Variants in CCDC178 observed in about 807,000 individuals in gnomAD.
The protein encoded by CCDC178 is coiled-coil domain containing 178, also known as coiled-coil domain-containing protein 178.
Under a neutral mutation model 117.4 loss-of-function variants are expected in CCDC178, and 126 were observed. The ratio of observed to expected loss-of-function variants is 1.07; its 90% CI spans 0.93 to 1.24. CCDC178 has a LOEUF of 1.24. Ranked by LOEUF, CCDC178 falls within the 50% of genes most tolerant of loss-of-function variation. The probability of loss-of-function intolerance (pLI) is 0.00; values close to 1 mark genes in which losing one functional copy is unlikely to be tolerated. For synonymous variants in CCDC178, 283 were observed against 313.4 expected, an observed-to-expected ratio of 0.90 and a Z score of 1.02; for missense variants, 1,030 against 986.9, an observed-to-expected ratio of 1.04 and a Z score of -0.59.
intron 19 of CCDC178, among the ~76,000 whole-genome samples, chr18:33,214,726 T>C (rs940038035): frequency 1.3e-5 from 2 of 152,022 alleles, no homozygotes; most frequent in African/African-American, 4.8e-5. Context: ...AAAATAAGTT[T>C]TACTCTATGA....
At chr18:33,353,051 C>T (rs2062998680) in intron 7 of CCDC178, among the ~76,000 whole-genome samples, 1 of 151,726 alleles carries the variant, frequency 6.6e-6, no homozygotes, top group African/African-American at 2.4e-5. Flanking sequence ...TTATTCCCTT[C>T]AATTCTGTTA....
chr18:33,273,826 T>C (rs1046038244), intron 12 of CCDC178, among the ~76,000 whole-genome samples: 2 of 151,722 alleles, frequency 1.3e-5, no homozygotes, highest in Non-Finnish European at 3.0e-5. Flanking sequence ...TCCTCAGATA[T>C]GATACTTAAA....
chr18:33,274,908 G>A lies in CCDC178; in HGVS notation c.1177-7611C>T, dbSNP rs1400686510. On this transcript the variant is annotated intron_variant, in intron 12 of 22. Transcript: ENST00000383096. ...TAATTCTTGCAATCTGCAACTTTTG[G>A]ATAAGTACGATTACTTTAGCCCTGG... Among the ~76,000 whole-genome samples, 4 of 152,080 alleles carry A rather than the reference G, an allele frequency of 2.6e-5. No individual in the cohort carries two copies. The East Asian group carries it at 7.7e-4, about 29-fold the overall frequency.
intron 21 of CCDC178, among the ~76,000 whole-genome samples, chr18:33,025,877 C>T (rs185028458): frequency 7.9e-5 from 12 of 152,218 alleles, no homozygotes; most frequent in Non-Finnish European, 1.5e-5. Context: ...CTCAGGCATT[C>T]GTCCCAGAGA....
intron 20 of CCDC178, among the ~76,000 whole-genome samples, chr18:33,180,823 G>A (rs1474244207): frequency 6.6e-6 from 1 of 152,052 alleles, no homozygotes; most frequent in Non-Finnish European, 1.5e-5. Context: ...CTTAAATTGT[G>A]AAAGTATGGG....
intron 21 of CCDC178, among the ~76,000 whole-genome samples, chr18:32,988,079 A>AAATAATAATAAT (rs145642185): frequency 1.9e-4 from 27 of 141,234 alleles, no homozygotes; most frequent in Non-Finnish European, 2.1e-4. Flanking sequence ...ATCCGTCTCA[A>AAATAATAATAAT]AATAATAATA....
chr18:33,228,641 G>T (rs2059335960), intron 15 of CCDC178, among the ~76,000 whole-genome samples: 1 of 152,188 alleles, frequency 6.6e-6, no homozygotes, highest in South Asian at 2.1e-4. Flanking sequence ...GCGTCTCAAA[G>T]AACTTTACCA....
At position 33,127,015 on chromosome 18, in the gene CCDC178, TAC is replaced by T. The variant is rs199745115; in HGVS notation, c.2239-34107_2239-34106del. 2.6e-3 allele frequency among the ~76,000 whole-genome samples: 374 copies of T among 142,294 alleles called. 3 individuals carry two copies. The highest frequency in any genetic ancestry group is 7.4e-3 in the Middle Eastern group (2 of 272). 93.4% of individuals were successfully genotyped at this position (142,294 alleles called of 152,430 possible). A position where few individuals can be genotyped will look rare whatever the true frequency, so the allele number is the denominator to read the frequency against. On this transcript the variant is annotated intron_variant, in intron 20 of 22. Transcript: ENST00000383096. ...AAAAAAAAATATATATATATATATA[TAC>T]ACACACACACACACACACACACATG...
chr18:33,394,542 A>G (rs2063605936), intron 4 of CCDC178, among the ~76,000 whole-genome samples: 1 of 151,974 alleles, frequency 6.6e-6, no homozygotes, highest in Non-Finnish European at 1.5e-5. Context: ...ATAACATATT[A>G]CTTAAGAAGG....
intron 21 of CCDC178, among the ~76,000 whole-genome samples, chr18:33,025,574 T>C (rs920495977): frequency 3.3e-5 from 5 of 151,886 alleles, no homozygotes; most frequent in South Asian, 4.2e-4. Flanking sequence ...TGTTAGAAAA[T>C]AGACAAAAGA....
chr18:33,260,563 T>A (rs2059732276), intron 14 of CCDC178, among the ~76,000 whole-genome samples: 1 of 151,856 alleles, frequency 6.6e-6, no homozygotes, highest in Non-Finnish European at 1.5e-5. Flanking sequence ...ATTTTATCAG[T>A]CTGTGGTTTA....
At chr18:33,251,679 A>G (rs1156543885) in intron 14 of CCDC178, among the ~76,000 whole-genome samples, 1 of 151,710 alleles carries the variant, frequency 6.6e-6, no homozygotes, top group African/African-American at 2.4e-5. Flanking sequence ...TCTTTCTAAT[A>G]CAAGGTCTCC....
intron 21 of CCDC178, among the ~76,000 whole-genome samples, chr18:32,994,288 A>T (rs535338343): frequency 1.3e-5 from 2 of 152,224 alleles, no homozygotes; most frequent in African/African-American, 4.8e-5. Context: ...TTTCAGAAAC[A>T]TAAGTGCATA....
chr18:32,955,757 T>C (rs1434969285), intron 22 of CCDC178, among the ~76,000 whole-genome samples: 1 of 152,170 alleles, frequency 6.6e-6, no homozygotes, highest in Non-Finnish European at 1.5e-5. Context: ...ATAATTTGTG[T>C]CTTATGAATT....
At chr18:33,178,422 C>T (rs2058689469) in intron 20 of CCDC178, among the ~76,000 whole-genome samples, 1 of 152,088 alleles carries the variant, frequency 6.6e-6, no homozygotes, top group Non-Finnish European at 1.5e-5. Context: ...TAAGAATCTC[C>T]CATCTGTATT....
intron 21 of CCDC178, among the ~76,000 whole-genome samples, chr18:33,074,291 A>C (rs140957301): frequency 0.013 from 1,991 of 152,244 alleles, 123 homozygotes; most frequent in Admixed American, 0.11. Context: ...AACACAGATT[A>C]AGAAAGAAAA....
intron 3 of CCDC178, among the ~76,000 whole-genome samples, chr18:33,401,417 A>G (rs918188262): frequency 6.6e-6 from 1 of 152,170 alleles, no homozygotes; most frequent in South Asian, 2.1e-4. Flanking sequence ...AGAGTTGCAC[A>G]TGAAACAGAC....
chr18:33,257,260 G>A (rs1375773798), intron 14 of CCDC178, among the ~76,000 whole-genome samples: 2 of 151,996 alleles, frequency 1.3e-5, no homozygotes, highest in Non-Finnish European at 2.9e-5. Context: ...TGTGAAAAGA[G>A]GCCAGACTGG....
chr18:33,212,115 T>C, intron 19 of CCDC178, 60 bp from the exon 20 acceptor site: 1 of 1,304,356 alleles, frequency 7.7e-7, no homozygotes. Context: ...TCAAAATGCA[T>C]TTATGAGACA....
Sources: gnomAD v4.1 joint callset for allele counts (sites outside exome capture counted in the v4.1 genomes callset) on GRCh38, gnomAD v4.1.1 for gene constraint, MANE v1.5 for transcripts, NCBI Gene and HGNC (gene_info 2026-07-23, HGNC 2026-07-21) for gene names.